Variants in JAKMIP2 observed in about 807,000 individuals in gnomAD.
The protein encoded by JAKMIP2 is janus kinase and microtubule interacting protein 2, also known as janus kinase and microtubule-interacting protein 2.
A neutral mutation model predicts 115.0 loss-of-function variants in JAKMIP2; 25 were observed. The observed-to-expected ratio is 0.22, with a 90% CI of 0.16 to 0.30. JAKMIP2 has a LOEUF of 0.30. JAKMIP2 is among the 10% of genes least tolerant of loss of function. JAKMIP2 has a pLI of 1.00. For synonymous variants in JAKMIP2, 334 were observed against 343.6 expected (o/e 0.97, Z 0.31); for missense variants, 642 against 957.6 (o/e 0.67, Z 4.35).
intron 16 of JAKMIP2, among the ~76,000 whole-genome samples, chr5:147,625,923 A>AT (rs1757074872): frequency 2.0e-5 from 3 of 152,222 alleles, no homozygotes; most frequent in African/African-American, 7.2e-5. Flanking sequence ...ACATAAGTAC[A>AT]TAATGTACTT....
chr5:147,644,463 A>C (rs928101145), intron 6 of JAKMIP2, among the ~76,000 whole-genome samples: 1 of 152,342 alleles, frequency 6.6e-6, no homozygotes, highest in East Asian at 1.9e-4. Context: ...CGCATATAAC[A>C]CAAGTAATGG....
intron 1 of JAKMIP2, among the ~76,000 whole-genome samples, chr5:147,709,801 A>T (rs1248089212): frequency 6.6e-6 from 1 of 152,182 alleles, no homozygotes. Flanking sequence ...GTGAGCCAAG[A>T]TCATGACACT....
At chr5:147,702,779 T>A (rs1752427287) in intron 1 of JAKMIP2, among the ~76,000 whole-genome samples, 2 of 152,038 alleles carry the variant, frequency 1.3e-5, no homozygotes, top group Admixed American at 1.3e-4. Flanking sequence ...CAAACATGGT[T>A]GAGTATGGCT....
intron 11 of JAKMIP2, among the ~76,000 whole-genome samples, chr5:147,636,649 G>C (rs1757628137): frequency 6.6e-6 from 1 of 152,164 alleles, no homozygotes; most frequent in South Asian, 2.1e-4. Flanking sequence ...ATGTAGCATA[G>C]AGGCAAAGAA....
chr5:147,752,543 G>A (rs1754596017), intron 1 of JAKMIP2, among the ~76,000 whole-genome samples: 1 of 152,142 alleles, frequency 6.6e-6, no homozygotes, highest in African/African-American at 2.4e-5. Context: ...AGAGTTAAGT[G>A]GTTGTGACAG....
At chr5:147,770,394 AAAAG>A in intron 1 of JAKMIP2, among the ~76,000 whole-genome samples, 1 of 152,244 alleles carries the variant, frequency 6.6e-6, no homozygotes, top group African/African-American at 2.4e-5. Context: ...AGCAAAAAGG[AAAAG>A]AAAGGACAAT....
chr5:147,746,577 A>C (rs1356217069), intron 1 of JAKMIP2, among the ~76,000 whole-genome samples: 1 of 151,972 alleles, frequency 6.6e-6, no homozygotes, highest in Non-Finnish European at 1.5e-5. Flanking sequence ...ATGGAGTCTG[A>C]AACATGGAAA....
intron 1 of JAKMIP2, among the ~76,000 whole-genome samples, chr5:147,673,553 T>G (rs1759756030): frequency 6.6e-6 from 1 of 152,140 alleles, no homozygotes; most frequent in Non-Finnish European, 1.5e-5. Context: ...ACAGGAAGGA[T>G]GAGACTGTCG....
chr5:147,596,174 G>A (rs1285268672), intron 21 of JAKMIP2, among the ~76,000 whole-genome samples: 2 of 151,848 alleles, frequency 1.3e-5, no homozygotes, highest in Non-Finnish European at 2.9e-5. Flanking sequence ...GGCTTTGTTG[G>A]CCAAGTTAAA....
At chr5:147,648,589 G>C (rs577118078) in intron 4 of JAKMIP2, 115 bp from the exon 5 acceptor site, 6 of 632,802 alleles carry the variant, frequency 9.5e-6, no homozygotes, top group African/African-American at 5.5e-5. Context: ...GGCTCCTGAA[G>C]TGAGAATAAA....
rs186232330 is a variant in JAKMIP2 at position 147,658,738 on chromosome 5, G to A, written c.627+2210C>T. Among the ~76,000 whole-genome samples the A allele has an allele frequency of 2.8e-3, 433 of 152,266 alleles. 1 individual carries two copies. Among genetic ancestry groups the A allele is most frequent in the Admixed American group, 8.6e-3 (132 of 15,294 alleles). On this transcript the variant is annotated intron_variant, in intron 3 of 21. Coordinates refer to ENST00000616793, the MANE Select transcript of JAKMIP2 (RefSeq NM_001270941.2). The stretch of plus-strand genomic sequence containing the variant: ...CAGAGAGACCTTGCCTAGTGAGGAG[G>A]ACTCTAGAGAAGCAGTCTGACCACA...
rs182104955 is a variant in JAKMIP2 at position 147,648,548 on chromosome 5, C to G, written c.838-74G>C. On this transcript the variant is annotated intron_variant, in intron 4 of 21. Transcript: ENST00000616793. Reference sequence around the variant, plus strand: ...AAGTTTGGGAATATCACTTATTATTCATAAAAGTAATAGGCTCAGTTCTCT... The same window carrying G: ...AAGTTTGGGAATATCACTTATTATTGATAAAAGTAATAGGCTCAGTTCTCT... The G allele has an allele frequency of 1.5e-4, 118 of 813,412 alleles. 1 individual carries two copies. In the East Asian group the frequency reaches 2.1e-3, roughly 14 times the overall value. The allele number at this position is 813,412 out of a possible 1,614,324, so 50.4% of individuals were successfully genotyped here.
intron 1 of JAKMIP2, among the ~76,000 whole-genome samples, chr5:147,717,774 C>T (rs1298014054): frequency 7.2e-6 from 1 of 139,364 alleles, no homozygotes; most frequent in Non-Finnish European, 1.6e-5. Context: ...TCTAGATATA[C>T]AATCATGTCG....
intron 3 of JAKMIP2, among the ~76,000 whole-genome samples, chr5:147,653,185 CT>C (rs1758493195): frequency 6.6e-6 from 1 of 152,042 alleles, no homozygotes. Flanking sequence ...GTGAATGTGC[CT>C]TTTAGTAGAA....
At chr5:147,759,076 T>C (rs1754842599) in intron 1 of JAKMIP2, among the ~76,000 whole-genome samples, 1 of 152,132 alleles carries the variant, frequency 6.6e-6, no homozygotes, top group Non-Finnish European at 1.5e-5. Flanking sequence ...TATCTTTTGA[T>C]CCTATTTCCA....
At chr5:147,744,740 G>T (rs979866851) in intron 1 of JAKMIP2, among the ~76,000 whole-genome samples, 6 of 152,106 alleles carry the variant, frequency 3.9e-5, no homozygotes, top group African/African-American at 1.4e-4. Context: ...CTCTGTGAGT[G>T]TACCCAGATC....
At chr5:147,599,030 G>A (rs1561838824) in intron 21 of JAKMIP2, among the ~76,000 whole-genome samples, 1 of 152,098 alleles carries the variant, frequency 6.6e-6, no homozygotes. Flanking sequence ...AGATGAAAAA[G>A]CAACTATTTG....
chr5:147,670,274 A>G (rs2126803353), intron 2 of JAKMIP2, among the ~76,000 whole-genome samples: 1 of 152,338 alleles, frequency 6.6e-6, no homozygotes, highest in African/African-American at 2.4e-5. Context: ...TAACAAATTA[A>G]AATTTAATAA....
At chr5:147,694,483 A>G (rs1233960393) in intron 1 of JAKMIP2, among the ~76,000 whole-genome samples, 1 of 152,180 alleles carries the variant, frequency 6.6e-6, no homozygotes, top group East Asian at 1.9e-4. Context: ...GAACAAGGCA[A>G]CAAGATTCCT....
Sources: allele counts gnomAD v4.1 joint callset (sites outside exome capture counted in the v4.1 genomes callset), GRCh38; gene constraint gnomAD v4.1.1; transcripts MANE v1.5; gene names NCBI Gene and HGNC (gene_info 2026-07-23, HGNC 2026-07-21).